The following BCL2L13 variants were observed in gnomAD, a reference collection of about 807,000 sequenced individuals.
The protein encoded by BCL2L13 is bcl-2-like protein 13.
BCL2L13 carries 13 observed loss-of-function variants against 25.8 expected under a neutral mutation model. The observed-to-expected ratio is 0.50, with a 90% confidence interval of 0.33 to 0.80. BCL2L13 has a LOEUF of 0.80. Ranked by LOEUF, BCL2L13 falls within the 30% of genes least tolerant of loss-of-function variation. The probability of loss-of-function intolerance (pLI) is 0.02; values close to 1 mark genes in which losing one functional copy is unlikely to be tolerated. For missense variants in BCL2L13, 504 were observed against 574.9 expected (o/e 0.88, Z 1.26); for synonymous variants, 244 against 230.3 (o/e 1.06, Z -0.54).
intron 2 of BCL2L13, among the ~76,000 whole-genome samples, chr22:17,661,430 A>AAG (rs2059063119): frequency 6.9e-6 from 1 of 145,826 alleles, no homozygotes; most frequent in Non-Finnish European, 1.6e-5. Context: ...AAAAAACTTT[A>AAG]AGCTAGTGTT....
intron 1 of BCL2L13, among the ~76,000 whole-genome samples, chr22:17,653,807 A>G (rs1049453373): frequency 6.7e-5 from 10 of 149,776 alleles, no homozygotes; most frequent in African/African-American, 2.5e-4. Context: ...CCAACCACTT[A>G]TATCTATAGC....
chr22:17,648,850 G>T (rs542706012), intron 1 of BCL2L13, among the ~76,000 whole-genome samples: 1 of 152,116 alleles, frequency 6.6e-6, no homozygotes, highest in South Asian at 2.1e-4. Context: ...TTTGTCTCTG[G>T]CTTTTGGGTT....
chr22:17,655,300 C>CTTT (rs71201856), intron 1 of BCL2L13, among the ~76,000 whole-genome samples: 2 of 138,872 alleles, frequency 1.4e-5, no homozygotes, highest in Non-Finnish European at 3.1e-5. Flanking sequence ...TTACAGTTCA[C>CTTT]TTTTTTTTTT....
At chr22:17,708,435 G>A (rs2060650532) in intron 6 of BCL2L13, among the ~76,000 whole-genome samples, 1 of 152,072 alleles carries the variant, frequency 6.6e-6, no homozygotes, top group Admixed American at 6.5e-5. Flanking sequence ...TACTTGTTTT[G>A]GTATCCATGT....
chr22:17,632,019 C>T (rs757323376), intron 1 of BCL2L13, among the ~76,000 whole-genome samples: 3 of 151,918 alleles, frequency 2.0e-5, no homozygotes, highest in African/African-American at 2.4e-5. Flanking sequence ...GGCGCCTGGC[C>T]GGTACACATA....
rs1048649467 is a variant in BCL2L13 at position 17,727,383 on chromosome 22, C to T, written c.1307C>T (p.Pro436Leu). 3.0e-5 allele frequency: 49 copies of T among 1,614,066 alleles called. No homozygotes were observed. In the East Asian group the frequency reaches 3.3e-4, roughly 11 times the overall value. Reference protein sequence around the residue: ...SPASEKKPVPPSEGKSRLSPA... With the variant: ...SPASEKKPVPLSEGKSRLSPA... ...GCCAGCGAGAAGAAGCCCGTGCCGC[C>T]GTCTGAGGGCAAGTCTAGACTGTCC... Residue 436 changes from proline to leucine, a missense_variant, in exon 7 of 7, where the codon CCG becomes CTG. Physicochemically the swap from Pro to Leu is moderately conservative, Grantham distance 98 (BLOSUM62 -3). Coordinates refer to ENST00000317582, the MANE Select transcript of BCL2L13 (RefSeq NM_015367.4).
chr22:17,680,733 CATG>C (rs2146698219), intron 2 of BCL2L13, among the ~76,000 whole-genome samples: 2 of 151,870 alleles, frequency 1.3e-5, no homozygotes, highest in South Asian at 4.2e-4. Flanking sequence ...CGTGCTAACA[CATG>C]ATCAGAAAGT....
chr22:17,708,643 CAAA>C (rs752132835), intron 6 of BCL2L13, among the ~76,000 whole-genome samples: 1 of 152,030 alleles, frequency 6.6e-6, no homozygotes, highest in Non-Finnish European at 1.5e-5. Context: ...AAAACAAAAA[CAAA>C]AAAGACGCAG....
intron 2 of BCL2L13, among the ~76,000 whole-genome samples, chr22:17,657,823 C>CTTTTTTTTTTTTTTTTTTTT (rs71201859): frequency 1.2e-5 from 1 of 85,764 alleles, no homozygotes; most frequent in African/African-American, 4.4e-5. Flanking sequence ...GTTGACATTT[C>CTTTTTTTTTTTTTTTTTTTT]TTTTTTTTTT....
chr22:17,633,035 T>C (rs1852508234), intron 1 of BCL2L13, among the ~76,000 whole-genome samples: 1 of 152,180 alleles, frequency 6.6e-6, no homozygotes, highest in African/African-American at 2.4e-5. Flanking sequence ...ATTACAGGCA[T>C]GAGCCACTGC....
chr22:17,653,797 C>T (rs1343998822), intron 1 of BCL2L13, among the ~76,000 whole-genome samples: 1 of 151,064 alleles, frequency 6.6e-6, no homozygotes, highest in Non-Finnish European at 1.5e-5. Flanking sequence ...AGCCACTGTG[C>T]CAACCACTTA....
At chr22:17,696,787 C>G (rs1379894848) in intron 5 of BCL2L13, among the ~76,000 whole-genome samples, 1 of 152,138 alleles carries the variant, frequency 6.6e-6, no homozygotes, top group Non-Finnish European at 1.5e-5. Flanking sequence ...AACACTAGAG[C>G]TAAGATCTGA....
chr22:17,706,187 T>G (rs1467903623), intron 6 of BCL2L13, among the ~76,000 whole-genome samples: 2 of 152,088 alleles, frequency 1.3e-5, no homozygotes, highest in Non-Finnish European at 2.9e-5. Context: ...CTTGGCTTAT[T>G]TTTTGCAGAG....
chr22:17,697,873 G>T (rs1314560095), intron 5 of BCL2L13, among the ~76,000 whole-genome samples: 1 of 151,972 alleles, frequency 6.6e-6, no homozygotes, highest in African/African-American at 2.4e-5. Flanking sequence ...CTGTCGCCCA[G>T]GCCAGAGTGC....
Position 17,680,536 on chromosome 22 carries a change from AAAAAAG to A in BCL2L13, c.122-2672_122-2667del, listed in dbSNP as rs1568964841. On this transcript the variant is annotated intron_variant, in intron 2 of 6. Transcript: ENST00000317582. ...CAAAAAAAAAAAAAAAAAAAAAAAAAAAAAAGAAAAAAAGACTCATACCTAGAAAGG... is the reference window on the plus strand; with the variant it reads ...CAAAAAAAAAAAAAAAAAAAAAAAAAAAAAAAAGACTCATACCTAGAAAGG... Among the ~76,000 whole-genome samples, 17 of 77,000 alleles carry A rather than the reference AAAAAAG, an allele frequency of 2.2e-4. 3 individuals carry two copies. The highest frequency in any genetic ancestry group is 3.3e-4 in the African/African-American group (6 of 18,352). 50.5% of individuals were successfully genotyped at this position (77,000 alleles called of 152,430 possible).
chr22:17,669,236 G>C (rs1215013103), intron 2 of BCL2L13, among the ~76,000 whole-genome samples: 3 of 151,926 alleles, frequency 2.0e-5, no homozygotes, highest in African/African-American at 4.8e-5. Context: ...GTTTCACCAT[G>C]TTAGCCAGGA....
chr22:17,691,013 C>A (rs1382586852), intron 4 of BCL2L13, among the ~76,000 whole-genome samples: 1 of 151,692 alleles, frequency 6.6e-6, no homozygotes, highest in East Asian at 1.9e-4. Flanking sequence ...ACTCTTCTTT[C>A]TTTTTTATTT....
chr22:17,700,291 C>T (rs553142637), intron 5 of BCL2L13, among the ~76,000 whole-genome samples: 2 of 152,220 alleles, frequency 1.3e-5, no homozygotes, highest in Admixed American at 1.3e-4. Flanking sequence ...AGGCTTTTCA[C>T]TCCTCTTCCA....
intron 2 of BCL2L13, among the ~76,000 whole-genome samples, chr22:17,664,776 A>G (rs1208327228): frequency 6.6e-6 from 1 of 152,142 alleles, no homozygotes; most frequent in East Asian, 1.9e-4. Flanking sequence ...AAGGCTTAGG[A>G]CTTTCACCCC....
Sources: gnomAD v4.1 joint callset for allele counts (sites outside exome capture counted in the v4.1 genomes callset) on GRCh38, gnomAD v4.1.1 for gene constraint, MANE v1.5 for transcripts, NCBI Gene and HGNC (gene_info 2026-07-23, HGNC 2026-07-21) for gene names.